FANCA: variants seen among roughly 807,000 people sequenced by gnomAD.
FANCA encodes FA complementation group A.
In FANCA, 236 loss-of-function variants were observed where a neutral mutation model predicts 194.3. The observed-to-expected ratio is 1.21, with a 90% confidence interval of 1.09 to 1.35. The LOEUF is 1.35. Ranked by LOEUF, FANCA falls within the 40% of genes most tolerant of loss-of-function variation. FANCA has a pLI of 0.00. For synonymous variants in FANCA, 1,014 were observed against 715.8 expected (o/e 1.42, Z -6.65); for missense variants, 2,628 against 1,813.9 (o/e 1.45, Z -8.15).
chr16:89,773,428 G>T, intron 21 of FANCA, 44 bp from the exon 22 acceptor site: 2 of 1,342,692 alleles, frequency 1.5e-6, no homozygotes, highest in Non-Finnish European at 2.1e-6. Context: ...CACTCAACAG[G>T]ACTCTTCACT....
chr16:89,771,731 A>T lies in FANCA; in HGVS notation c.2098T>A (p.Ser700Thr), dbSNP rs767631694. 7 of 1,613,970 alleles carry T rather than the reference A, an allele frequency of 4.3e-6. No homozygotes were observed. Among genetic ancestry groups the T allele is most frequent in the Non-Finnish European group, 5.1e-6 (6 of 1,180,030 alleles). The change falls in exon 23 of 43, where the codon TCA (serine) becomes ACA (threonine). Residue 700 changes from serine to threonine, a missense_variant. Ser to Thr is a moderately conservative substitution (Grantham distance 58). Coordinates refer to ENST00000389301, the MANE Select transcript of FANCA (RefSeq NM_000135.4). Reference protein sequence around the residue: ...HNEDDSSVEISKIQLSINTPR... With the variant: ...HNEDDSSVEITKIQLSINTPR... ...GTGTTGATGCTGAGCTGAATCTTTG[A>T]TATCTCAACGCTGCTGTCATCCTCA...
chr16:89,799,536 A>AAAACTGAT, intron 9 of FANCA, 69 bp downstream of exon 9: 1 of 1,428,144 alleles, frequency 7.0e-7, no homozygotes, highest in Non-Finnish European at 9.9e-7. Flanking sequence ...GGAAAGGCAG[A>AAAACTGAT]AAACTGATAC....
intron 29 of FANCA, 39 bp from the exon 30 acceptor site, chr16:89,758,744 T>C: frequency 1.2e-6 from 2 of 1,610,136 alleles, no homozygotes; most frequent in East Asian, 4.5e-5. Context: ...TGAGAAATGC[T>C]TCGTGGCCAG....
At chr16:89,757,747 G>A (rs2038812898) in intron 30 of FANCA, among the ~76,000 whole-genome samples, 1 of 152,198 alleles carries the variant, frequency 6.6e-6, no homozygotes, top group Admixed American at 6.5e-5. Flanking sequence ...CTCAGGAACT[G>A]CTCTGTCCTG....
chr16:89,763,481 G>C (rs2039020480), intron 28 of FANCA, among the ~76,000 whole-genome samples: 1 of 151,650 alleles, frequency 6.6e-6, no homozygotes. Flanking sequence ...CAGCCACCTT[G>C]AAATTCTTTT....
intron 3 of FANCA, among the ~76,000 whole-genome samples, chr16:89,813,472 G>A (rs962308457): frequency 2.0e-5 from 3 of 150,998 alleles, no homozygotes; most frequent in Non-Finnish European, 4.4e-5. Flanking sequence ...TGCTCTTATT[G>A]CCCAGGCTGG....
At chr16:89,751,993 A>G (rs2038611137) in intron 31 of FANCA, 145 bp downstream of exon 31, 4 of 773,750 alleles carry the variant, frequency 5.2e-6, no homozygotes, top group Non-Finnish European at 9.3e-6. Context: ...CATGGTCTCG[A>G]TCTCCTGACT....
intron 14 of FANCA, 84 bp downstream of exon 14, chr16:89,791,319 G>T: frequency 6.5e-7 from 1 of 1,544,626 alleles, no homozygotes; most frequent in Non-Finnish European, 8.8e-7. Context: ...ACATGACAGA[G>T]AATCAGGTGG....
chr16:89,801,941 T>A (rs1050573821), intron 8 of FANCA, among the ~76,000 whole-genome samples: 1 of 151,330 alleles, frequency 6.6e-6, no homozygotes, highest in Non-Finnish European at 1.5e-5. Context: ...GATCCAGCAA[T>A]CCCATTACTG....
chr16:89,755,240 T>A (rs1342247908), intron 30 of FANCA, among the ~76,000 whole-genome samples: 2 of 151,486 alleles, frequency 1.3e-5, no homozygotes, highest in Non-Finnish European at 2.9e-5. Flanking sequence ...AGACAGTCTC[T>A]CACTCTGTCG....
intron 7 of FANCA, among the ~76,000 whole-genome samples, chr16:89,804,316 CAG>C (rs888358932): frequency 2.4e-4 from 36 of 152,218 alleles, no homozygotes; most frequent in Admixed American, 3.9e-4. Context: ...CCAAATATCC[CAG>C]AGAGGATCTG....
intron 11 of FANCA, among the ~76,000 whole-genome samples, chr16:89,793,711 G>C (rs959044734): frequency 1.3e-5 from 2 of 151,972 alleles, no homozygotes; most frequent in Non-Finnish European, 2.9e-5. Context: ...CTCCCAAGTA[G>C]CTGCGACCAC....
At chr16:89,802,808 T>C (rs996025348) in intron 8 of FANCA, among the ~76,000 whole-genome samples, 7 of 152,084 alleles carry the variant, frequency 4.6e-5, no homozygotes, top group African/African-American at 1.4e-4. Context: ...AGGACAAATA[T>C]TGCATGTTAT....
At chr16:89,794,936 G>C (rs893029754) in intron 11 of FANCA, among the ~76,000 whole-genome samples, 1 of 152,160 alleles carries the variant, frequency 6.6e-6, no homozygotes, top group Admixed American at 6.5e-5. Flanking sequence ...GAGTTGTGCT[G>C]GGTGATCAGG....
intron 27 of FANCA, among the ~76,000 whole-genome samples, chr16:89,765,589 A>C (rs1209198915): frequency 6.6e-6 from 1 of 152,260 alleles, no homozygotes; most frequent in African/African-American, 2.4e-5. Context: ...GAAACAGCCC[A>C]TCTCTAGGCC....
rs1488755335 is a variant in FANCA at position 89,758,523 on chromosome 16, T to A, written c.2981+54A>T. ...ATGGCCAGAAACTCCCCTTTATATA[T>A]ATCCTATTAGTCCTGTCCCTCCAGA... On this transcript the variant is annotated intron_variant, in intron 30 of 42. Transcript: ENST00000389301. 12 of 1,599,308 alleles carry A rather than the reference T, an allele frequency of 7.5e-6. No individual in the cohort carries two copies. The East Asian group carries it at 2.2e-4, about 30-fold the overall frequency.
intron 3 of FANCA, among the ~76,000 whole-genome samples, chr16:89,811,944 C>T (rs1017011669): frequency 6.6e-6 from 1 of 151,134 alleles, no homozygotes; most frequent in East Asian, 2.0e-4. Context: ...GTTGGCTAGG[C>T]TCGTCTCCAA....
rs772589360 is a variant in FANCA at position 89,738,595 on chromosome 16, G to A, written c.*6C>T. 6.2e-7 allele frequency: 1 copy of A among 1,613,148 alleles called. No homozygotes were observed. The highest frequency in any genetic ancestry group is 1.1e-5 in the South Asian group (1 of 91,046). On this transcript the variant is annotated 3_prime_UTR_variant, in exon 43 of 43. Transcript: ENST00000389301. The stretch of plus-strand genomic sequence containing the variant: ...GAGCTGGGCTGGTGTGCAGTGGCAG[G>A]TCCCGTCAGAAGAGATGAGGCTCCT...
At chr16:89,739,908 C>T in intron 39 of FANCA, 86 bp downstream of exon 39, 1 of 1,589,362 alleles carries the variant, frequency 6.3e-7, no homozygotes, top group Non-Finnish European at 8.6e-7. Context: ...CAAGGAACCT[C>T]AAGGAGGGCT....
Sources: gnomAD v4.1 joint callset for allele counts (sites outside exome capture counted in the v4.1 genomes callset) on GRCh38, gnomAD v4.1.1 for gene constraint, MANE v1.5 for transcripts, NCBI Gene and HGNC (gene_info 2026-07-23, HGNC 2026-07-21) for gene names.